The following SRCAP variants were observed in gnomAD, a reference collection of about 807,000 sequenced individuals.
SRCAP encodes the protein chromatin remodeling protein SRCAP.
In SRCAP, 46 loss-of-function variants were observed where a neutral mutation model predicts 263.1. The ratio of observed to expected loss-of-function variants is 0.17; its 90% CI spans 0.14 to 0.22. The LOEUF (loss-of-function observed/expected upper bound fraction) is 0.22, where lower values mean the gene tolerates loss of function less well. Among genes scored for constraint, SRCAP ranks in the 10% least tolerant of loss-of-function variants. The pLI is 1.00. For synonymous variants in SRCAP, 1,813 were observed against 1,662.1 expected, an observed-to-expected ratio of 1.09 and a Z score of -2.21; for missense variants, 3,695 against 4,181.9, an observed-to-expected ratio of 0.88 and a Z score of 3.21.
chr16:30,738,830 C>T lies in SRCAP; in HGVS notation c.8790C>T (p.Leu2930=), dbSNP rs748509316. Residue 2930 remains leucine (L), a synonymous_variant, in exon 34 of 34, where the codon CTC becomes CTT. Coordinates refer to ENST00000262518, the MANE Select transcript of SRCAP (RefSeq NM_006662.3). Reference sequence around the variant, plus strand: ...AGCCAGTTCACAGACCCAATCCCCTCCTGTCACCTGTGGAGAAAAGAAGGC... The same window carrying T: ...AGCCAGTTCACAGACCCAATCCCCTTCTGTCACCTGTGGAGAAAAGAAGGC... ...GPQPVHRPNP[L]LSPVEKRRRG... The T allele has an allele frequency of 1.9e-6, 3 of 1,614,156 alleles. No individual in the cohort carries two copies. In the East Asian group the frequency reaches 6.7e-5, roughly 36 times the overall value.
intron 18 of SRCAP, among the ~76,000 whole-genome samples, chr16:30,719,774 A>G (rs2052991989): frequency 6.6e-6 from 1 of 152,048 alleles, no homozygotes; most frequent in African/African-American, 2.4e-5. Flanking sequence ...TTGGCCTCCC[A>G]GAGAGCTGGG....
Position 30,737,931 on chromosome 16 carries a change from A to T in SRCAP, c.7891A>T (p.Thr2631Ser), listed in dbSNP as rs146127771. ...GGAGGCACCAGATTCTGCTGAGGGG[A>T]CCACCCTTACAGTGCTGCCTGAAGG... ...EQEAPDSAEG[T>S]TLTVLPEGEE... Residue 2631 changes from threonine (T) to serine (S), a missense_variant, in exon 34 of 34, where the codon ACC (threonine) becomes TCC (serine). Physicochemically the swap from Thr to Ser is moderately conservative, Grantham distance 58. Transcript: ENST00000262518. 4 of 1,614,072 alleles carry T rather than the reference A, an allele frequency of 2.5e-6. No homozygotes were observed. The highest frequency in any genetic ancestry group is 1.6e-4 in the Middle Eastern group (1 of 6,062).
In SRCAP at chr16:30,723,285, G is replaced by A. The variant is rs550243991; in HGVS notation, c.4159+56G>A. ...TTGCCAGGAATGGAGACGAGATGGGGTCGCCTCAAGGTTTCTTAGTTTTAG... is the reference window on the plus strand; with the variant it reads ...TTGCCAGGAATGGAGACGAGATGGGATCGCCTCAAGGTTTCTTAGTTTTAG... On this transcript the variant is annotated intron_variant, in intron 24 of 33. Transcript: ENST00000262518. 266 of 1,542,232 alleles carry A rather than the reference G, an allele frequency of 1.7e-4. 1 individual carries two copies. In the African/African-American group the frequency reaches 3.3e-3, roughly 19 times the overall value.
intron 19 of SRCAP, 28 bp downstream of exon 19, chr16:30,720,359 G>A: frequency 6.3e-7 from 1 of 1,594,464 alleles, no homozygotes; most frequent in East Asian, 2.3e-5. Flanking sequence ...TGAGGGGATG[G>A]TTCCTAGAAT....
chr16:30,710,918 C>A (rs757876874), intron 9 of SRCAP, 71 bp downstream of exon 9: 4 of 1,596,592 alleles, frequency 2.5e-6, no homozygotes, highest in Non-Finnish European at 3.4e-6. Flanking sequence ...ACCTTTCAGG[C>A]TTTCTCATCT....
chr16:30,739,695 C>T lies in SRCAP; in HGVS notation c.9655C>T (p.Pro3219Ser), dbSNP rs1290504654. 3.3e-6 allele frequency: 5 copies of T among 1,525,012 alleles called. No individual in the cohort carries two copies. The highest frequency in any genetic ancestry group is 4.4e-6 in the Non-Finnish European group (5 of 1,137,790). 94.5% of individuals were successfully genotyped at this position (1,525,012 alleles called of 1,614,324 possible). A position where few individuals can be genotyped will look rare whatever the true frequency, so the allele number is the denominator to read the frequency against. ...RSSAPPSLAG[P>S]AVSHRGRKAK... Reference sequence around the variant, plus strand: ...CAGCGCCCCTCCCTCCCTGGCTGGCCCTGCTGTTAGTCACAGAGGCCGCAA... The same window carrying T: ...CAGCGCCCCTCCCTCCCTGGCTGGCTCTGCTGTTAGTCACAGAGGCCGCAA... Residue 3219 changes from proline (P) to serine (S), a missense_variant, in exon 34 of 34, where the codon CCT becomes TCT. Pro to Ser is a moderately conservative substitution (Grantham distance 74, BLOSUM62 -1). Around this residue, in one of 12 missense-constraint regions of SRCAP, gnomAD observed 1,207 missense variants for 1,142.9 expected, o/e 1.06. Transcript: ENST00000262518.
At chr16:30,734,685 G>C (rs2053142983) in intron 31 of SRCAP, 70 bp downstream of exon 31, 4 of 1,602,060 alleles carry the variant, frequency 2.5e-6, no homozygotes. Flanking sequence ...TTGTTAGTCT[G>C]TTGAGCTTGT....
chr16:30,702,054 A>G lies in SRCAP; in HGVS notation c.54+1176A>G, dbSNP rs548083400. On this transcript the variant is annotated intron_variant, in intron 3 of 33. Transcript: ENST00000262518. ...CTGCAACCTCCGCCTCCCGGGTTCA[A>G]ACAATTCTTCTGCCTCAGCCTCCTG... Among the ~76,000 whole-genome samples, 5 of 151,930 alleles carry G rather than the reference A, an allele frequency of 3.3e-5. No homozygotes were observed. In the South Asian group the frequency reaches 8.3e-4, roughly 25 times the overall value.
chr16:30,709,731 TGAA>T lies in SRCAP; in HGVS notation c.854_856del (p.Glu285del), dbSNP rs771021819. The T allele has an allele frequency of 6.2e-7, 1 of 1,614,142 alleles. No homozygotes were observed. Among genetic ancestry groups the T allele is most frequent in the South Asian group, 1.1e-5 (1 of 91,082 alleles). On this transcript the variant is annotated inframe_deletion and splice_region_variant, in exon 7 of 34. Transcript: ENST00000262518. The stretch of plus-strand genomic sequence containing the variant: ...CACCCCCTGCTTCTCGCCTGGATGA[TGAA>T]GGTGTGTGTTCTCTTTGGTCCTGTT...
In SRCAP at chr16:30,736,378, C is replaced by T. The variant is rs2151299637; in HGVS notation, c.6908C>T (p.Ala2303Val). Residue 2303 changes from alanine to valine, a missense_variant, in exon 32 of 34, where the codon GCT becomes GTT. By Grantham distance (64) the Ala-to-Val change is moderately conservative. This residue lies in a region of SRCAP where 91 missense variants were observed against 150.6 expected (regional missense o/e 0.60). Coordinates refer to ENST00000262518, the MANE Select transcript of SRCAP (RefSeq NM_006662.3). ...ATGTCCCGGGCTGAGCAGGAAATTGCTGCCCTCGTAGAACAGGTCAGTGCT... is the reference window on the plus strand; with the variant it reads ...ATGTCCCGGGCTGAGCAGGAAATTGTTGCCCTCGTAGAACAGGTCAGTGCT... ...EEMSRAEQEI[A>V]ALVEQLTPIE... 6.2e-7 allele frequency: 1 copy of T among 1,612,724 alleles called. No homozygotes were observed. The highest frequency in any genetic ancestry group is 2.2e-5 in the East Asian group (1 of 44,848).
At chr16:30,709,092 T>C (rs936707598) in intron 6 of SRCAP, among the ~76,000 whole-genome samples, 22 of 152,268 alleles carry the variant, frequency 1.4e-4, no homozygotes, top group Non-Finnish European at 3.1e-4. Context: ...GTGCTGAGAA[T>C]ACAGGCATGA....
intron 3 of SRCAP, among the ~76,000 whole-genome samples, chr16:30,703,168 T>TATATATATAC (rs1491041239): frequency 6.6e-5 from 10 of 150,424 alleles, no homozygotes; most frequent in African/African-American, 2.0e-4. Context: ...TATATATATA[T>TATATATATAC]GTATGTATAT....
At chr16:30,705,151 A>G (rs1054735207) in intron 4 of SRCAP, among the ~76,000 whole-genome samples, 9 of 152,114 alleles carry the variant, frequency 5.9e-5, no homozygotes, top group Admixed American at 5.9e-4. Context: ...AAATACAAAA[A>G]TTAGCCTGGC....
intron 26 of SRCAP, 28 bp from the exon 27 acceptor site, chr16:30,729,342 T>C (rs893600471): frequency 3.1e-6 from 5 of 1,613,296 alleles, no homozygotes; most frequent in Non-Finnish European, 3.4e-6. Flanking sequence ...GTCCCATCTT[T>C]TACACTGCCT....
In SRCAP at chr16:30,734,535, C is replaced by A. The variant is rs767947781; in HGVS notation, c.6649C>A (p.Pro2217Thr). ...GCTGTTTGATATGCCCCTGGAGGAA[C>A]CTTCTAGCTCATCCGTGCCCTCTGC... Reference protein sequence around the residue: ...RELFDMPLEEPSSSSVPSAPE... With the variant: ...RELFDMPLEETSSSSVPSAPE... Residue 2217 changes from proline to threonine, a missense_variant, in exon 31 of 34, where the codon CCT becomes ACT. Transcript: ENST00000262518. The A allele has an allele frequency of 4.3e-6, 7 of 1,613,916 alleles. No homozygotes were observed. Among genetic ancestry groups the A allele is most frequent in the East Asian group, 2.2e-5 (1 of 44,864 alleles).
intron 19 of SRCAP, 63 bp downstream of exon 19, chr16:30,720,394 G>A (rs2053000024): frequency 1.3e-6 from 2 of 1,548,632 alleles, no homozygotes; most frequent in South Asian, 2.4e-5. Flanking sequence ...TGCCCAGAGG[G>A]GCCTGGGGTG....
chr16:30,723,149 C>T lies in SRCAP; in HGVS notation c.4079C>T (p.Thr1360Ile), dbSNP rs202028788. The change falls in exon 24 of 34, where the codon ACT becomes ATT. Residue 1360 changes from threonine to isoleucine, a missense_variant. Physicochemically the swap from Thr to Ile is moderately conservative, Grantham distance 89. This residue lies in a region of SRCAP where 1,347 missense variants were observed against 1,304.4 expected (regional missense o/e 1.03). Transcript: ENST00000262518. ...CGGCTACCCACACCTACTCTGGGTACTGCTCGAGCCCCCATGCCCACACCC... is the reference window on the plus strand; with the variant it reads ...CGGCTACCCACACCTACTCTGGGTATTGCTCGAGCCCCCATGCCCACACCC... ...PGRLPTPTLG[T>I]ARAPMPTPTL... 128 of 1,614,154 alleles carry T rather than the reference C, an allele frequency of 7.9e-5. 1 individual carries two copies. The East Asian group carries it at 2.1e-3, about 26-fold the overall frequency.
chr16:30,733,173 C>A lies in SRCAP; in HGVS notation c.6128-107C>A. On this transcript the variant is annotated intron_variant, in intron 27 of 33. Transcript: ENST00000262518. This position sits in a 1 kb window ranked among gnomAD's most constrained non-coding sequence, Gnocchi z 5.3. ...TTTTGATCTGCTAGGCTAATTGAAA[C>A]TTTGGCTTAAAGCATTGATTATCTT... 7.5e-7 allele frequency: 1 copy of A among 1,330,810 alleles called. No individual in the cohort carries two copies. Among genetic ancestry groups the A allele is most frequent in the Non-Finnish European group, 1.0e-6 (1 of 966,698 alleles). 82.4% of individuals were successfully genotyped at this position (1,330,810 alleles called of 1,614,324 possible).
At chr16:30,708,334 A>G (rs1210387110) in intron 6 of SRCAP, among the ~76,000 whole-genome samples, 1 of 152,084 alleles carries the variant, frequency 6.6e-6, no homozygotes, top group African/African-American at 2.4e-5. Flanking sequence ...TCGATCTCCC[A>G]AGTATCTGGG....
Sources: gnomAD v4.1 joint callset for allele counts (sites outside exome capture counted in the v4.1 genomes callset) on GRCh38, gnomAD v4.1.1 for gene constraint, gnomAD v4.1.1 regional missense constraint, Gnocchi (gnomAD v3.1) non-coding constraint, MANE v1.5 for transcripts, NCBI Gene and HGNC (gene_info 2026-07-23, HGNC 2026-07-21) for gene names.